Variants in XYLT1 observed in about 807,000 individuals in gnomAD.
XYLT1 encodes the protein xylosyltransferase 1.
In XYLT1, 36 loss-of-function variants were observed where a neutral mutation model predicts 91.3. That is an observed-to-expected ratio of 0.39 (90% CI 0.30 to 0.52). The LOEUF is 0.52. Among genes scored for constraint, XYLT1 ranks in the 20% least tolerant of loss-of-function variants. The probability of loss-of-function intolerance (pLI) is 0.68; values close to 1 mark genes in which losing one functional copy is unlikely to be tolerated. For missense variants in XYLT1, 1,242 were observed against 1,284.5 expected, an observed-to-expected ratio of 0.97 and a Z score of 0.51; for synonymous variants, 588 against 532.0, an observed-to-expected ratio of 1.11 and a Z score of -1.45.
intron 1 of XYLT1, among the ~76,000 whole-genome samples, chr16:17,452,729 AGG>A (rs2036683052): frequency 6.6e-6 from 1 of 152,180 alleles, no homozygotes; most frequent in African/African-American, 2.4e-5. Context: ...TGTTTTATGA[AGG>A]AAGCCTGGAA....
chr16:17,363,304 A>T (rs1249980932), intron 1 of XYLT1, among the ~76,000 whole-genome samples: 1 of 152,164 alleles, frequency 6.6e-6, no homozygotes, highest in Non-Finnish European at 1.5e-5. Context: ...AACCATACAT[A>T]ACCACTGTAT....
rs749566734 is a variant in XYLT1, at chr16:17,470,805, C to A, written c.-9G>T. 1.2e-5 allele frequency: 11 copies of A among 946,772 alleles called. No homozygotes were observed. The highest frequency in any genetic ancestry group is 5.5e-4 in the Middle Eastern group (1 of 1,814). The allele number at this position is 946,772 out of a possible 1,614,324, so 58.6% of individuals were successfully genotyped here. On this transcript the variant is annotated 5_prime_UTR_variant, in exon 1 of 12. Coordinates refer to ENST00000261381, the MANE Select transcript of XYLT1 (RefSeq NM_022166.4). ...CACGGCGCCGCCACCATCTTCGGAG[C>A]GCGGCCGGCGAGCGAGGCGCGGGGA...
At position 17,180,651 on chromosome 16, in the gene XYLT1, T is replaced by C. The variant is rs186302974; in HGVS notation, c.1289+17561A>G. Among the ~76,000 whole-genome samples the C allele has an allele frequency of 2.0e-3, 305 of 152,252 alleles. 1 individual carries two copies. Among genetic ancestry groups the C allele is most frequent in the African/African-American group, 7.1e-3 (296 of 41,564 alleles). On this transcript the variant is annotated intron_variant, in intron 5 of 11. Transcript: ENST00000261381. ...CATTGTGGGATTCCCCTTCACCCCC[T>C]ACCATGGGAAAACTGGCCAGTACTA...
At chr16:17,241,802 G>A (rs562302463) in intron 3 of XYLT1, among the ~76,000 whole-genome samples, 163 of 152,328 alleles carry the variant, frequency 1.1e-3, no homozygotes, top group African/African-American at 3.7e-3. Context: ...ACATGCTGGA[G>A]TTGGAAGGTG....
chr16:17,157,614 A>G (rs1032504486), intron 6 of XYLT1, among the ~76,000 whole-genome samples: 1 of 152,196 alleles, frequency 6.6e-6, no homozygotes, highest in African/African-American at 2.4e-5. Flanking sequence ...TGAAAACAAG[A>G]CAAAACAAAA....
At chr16:17,257,646 G>A (rs2033654449) in intron 3 of XYLT1, among the ~76,000 whole-genome samples, 1 of 152,104 alleles carries the variant, frequency 6.6e-6, no homozygotes, top group African/African-American at 2.4e-5. Context: ...CTGGGTGATG[G>A]TACATTGGGG....
At chr16:17,310,576 C>T (rs757073872) in intron 2 of XYLT1, among the ~76,000 whole-genome samples, 27 of 152,196 alleles carry the variant, frequency 1.8e-4, no homozygotes, top group Non-Finnish European at 3.7e-4. Flanking sequence ...GCAGGCCCGG[C>T]GCAGTGGCTC....
chr16:17,304,360 C>CT (rs984587837), intron 2 of XYLT1, among the ~76,000 whole-genome samples: 41 of 152,208 alleles, frequency 2.7e-4, no homozygotes, highest in African/African-American at 9.2e-4. Flanking sequence ...GTCAGTGTGT[C>CT]TTTTTTTCCC....
At chr16:17,470,297 G>C (rs897249885) in intron 1 of XYLT1, 137 bp downstream of exon 1, 2 of 1,101,742 alleles carry the variant, frequency 1.8e-6, no homozygotes, top group South Asian at 9.4e-5. Context: ...CCGGCTTCCC[G>C]GGGCAAGAGG....
At chr16:17,343,016 C>T (rs951542560) in intron 2 of XYLT1, among the ~76,000 whole-genome samples, 1 of 152,196 alleles carries the variant, frequency 6.6e-6, no homozygotes, top group African/African-American at 2.4e-5. Context: ...TTTCCAGTCA[C>T]AGCTGCCCGC....
intron 1 of XYLT1, among the ~76,000 whole-genome samples, chr16:17,437,978 T>C (rs912664849): frequency 6.2e-4 from 94 of 152,182 alleles, no homozygotes; most frequent in African/African-American, 2.1e-3. Context: ...AATTACAAAC[T>C]ATCAGAAGAA....
At chr16:17,406,222 G>A (rs2036031284) in intron 1 of XYLT1, among the ~76,000 whole-genome samples, 2 of 152,124 alleles carry the variant, frequency 1.3e-5, no homozygotes, top group Admixed American at 6.5e-5. Context: ...GCATTCACAT[G>A]CTCATTCAAC....
At chr16:17,197,241 T>C (rs2032447668) in intron 5 of XYLT1, among the ~76,000 whole-genome samples, 1 of 151,998 alleles carries the variant, frequency 6.6e-6, no homozygotes, top group African/African-American at 2.4e-5. Context: ...GACCCACCTC[T>C]GGGCTCAGCC....
intron 9 of XYLT1, among the ~76,000 whole-genome samples, chr16:17,128,936 G>A (rs552314045): frequency 7.2e-5 from 11 of 152,068 alleles, no homozygotes; most frequent in Non-Finnish European, 1.2e-4. Flanking sequence ...TCAGCTAAAC[G>A]CAGCCTTCCC....
intron 1 of XYLT1, among the ~76,000 whole-genome samples, chr16:17,463,138 A>C (rs1390873326): frequency 1.3e-5 from 2 of 152,174 alleles, no homozygotes; most frequent in Non-Finnish European, 2.9e-5. Flanking sequence ...AGAGAAAAAA[A>C]CATTGGGGAG....
At chr16:17,280,350 A>AAAAT (rs1275204485) in intron 2 of XYLT1, among the ~76,000 whole-genome samples, 1 of 152,302 alleles carries the variant, frequency 6.6e-6, no homozygotes, top group African/African-American at 2.4e-5. Context: ...ACTCTGTGTC[A>AAAAT]AAATAAATAA....
chr16:17,191,088 T>C (rs1313325496), intron 5 of XYLT1, among the ~76,000 whole-genome samples: 1 of 152,212 alleles, frequency 6.6e-6, no homozygotes, highest in African/African-American at 2.4e-5. Context: ...TGGTTTTTAG[T>C]TTCTGTCTCT....
At chr16:17,194,518 C>T (rs976922172) in intron 5 of XYLT1, among the ~76,000 whole-genome samples, 6 of 152,238 alleles carry the variant, frequency 3.9e-5, no homozygotes, top group Admixed American at 3.9e-4. Context: ...ACTTTGAGCA[C>T]AGCCCCTAAG....
intron 1 of XYLT1, among the ~76,000 whole-genome samples, chr16:17,408,383 A>T (rs2141908594): frequency 1.3e-5 from 2 of 152,344 alleles, no homozygotes; most frequent in African/African-American, 4.8e-5. Flanking sequence ...AGTCAGTATC[A>T]GCTTTCTCAT....
Sources: allele counts gnomAD v4.1 joint callset (sites outside exome capture counted in the v4.1 genomes callset), GRCh38; gene constraint gnomAD v4.1.1; transcripts MANE v1.5; gene names NCBI Gene and HGNC (gene_info 2026-07-23, HGNC 2026-07-21).